SLC9A5: variants seen among roughly 807,000 people sequenced by gnomAD.
SLC9A5 encodes solute carrier family 9 member A5.
A neutral mutation model predicts 91.7 loss-of-function variants in SLC9A5; 52 were observed. The observed-to-expected ratio is 0.57, with a 90% CI of 0.45 to 0.71. SLC9A5 has a LOEUF of 0.71. Among genes scored for constraint, SLC9A5 ranks in the 30% least tolerant of loss-of-function variants. SLC9A5 has a pLI of 0.00. For missense variants in SLC9A5, 871 were observed against 1,158.9 expected (o/e 0.75, Z 3.61); for synonymous variants, 419 against 474.5 (o/e 0.88, Z 1.52).
In SLC9A5 at chr16:67,255,674, C is replaced by T. The variant is rs1423645872; in HGVS notation, c.734-79C>T. The stretch of plus-strand genomic sequence containing the variant: ...GGAGTGCGGTGGGCATCATCCCTCA[C>T]TCCCTGCCAGGCAGCAGTCTTGTCA... On this transcript the variant is annotated intron_variant, in intron 4 of 15. Transcript: ENST00000299798. The surrounding 1 kb of genome is among the most constrained non-coding windows in gnomAD (Gnocchi z 4.9). The T allele has an allele frequency of 2.7e-6, 4 of 1,471,382 alleles. No individual in the cohort carries two copies. The highest frequency in any genetic ancestry group is 3.7e-6 in the Non-Finnish European group (4 of 1,086,416). 91.1% of individuals were successfully genotyped at this position (1,471,382 alleles called of 1,614,324 possible).
At position 67,249,206 on chromosome 16, in the gene SLC9A5, G is replaced by A. The variant is rs2035012080; in HGVS notation, c.187+5G>A. The A allele has an allele frequency of 2.1e-6, 3 of 1,451,404 alleles. No individual in the cohort carries two copies. Among genetic ancestry groups the A allele is most frequent in the African/African-American group, 1.5e-5 (1 of 68,324 alleles). 89.9% of individuals were successfully genotyped at this position (1,451,404 alleles called of 1,614,324 possible). A position where few individuals can be genotyped will look rare whatever the true frequency, so the allele number is the denominator to read the frequency against. On this transcript the variant is annotated splice_donor_5th_base_variant and intron_variant, in intron 1 of 15. Transcript: ENST00000299798. ...TGGCCAGTCTGGCCAAAATCGGTGAGTGCGTGTGTGCGTGCGCCAGGCCGA... is the reference window on the plus strand; with the variant it reads ...TGGCCAGTCTGGCCAAAATCGGTGAATGCGTGTGTGCGTGCGCCAGGCCGA...
intron 1 of SLC9A5, among the ~76,000 whole-genome samples, chr16:67,251,611 G>A (rs1284771443): frequency 2.6e-5 from 4 of 151,800 alleles, no homozygotes; most frequent in South Asian, 4.2e-4. Context: ...ACAGGGTTTC[G>A]CCGTGCTGGC....
chr16:67,264,527 G>A lies in SLC9A5; in HGVS notation c.2013+5G>A, dbSNP rs1228005518. 2 of 1,614,000 alleles carry A rather than the reference G, an allele frequency of 1.2e-6. No individual in the cohort carries two copies. Among genetic ancestry groups the A allele is most frequent in the African/African-American group, 1.3e-5 (1 of 74,934 alleles). On this transcript the variant is annotated splice_donor_5th_base_variant and intron_variant, in intron 13 of 15. Coordinates refer to ENST00000299798, the MANE Select transcript of SLC9A5 (RefSeq NM_004594.3). ...CGCAAGACTGGCCGCAGGAAGGCAT[G>A]TCTTCCCTCAGGGACTCCTCTTGGG...
At chr16:67,266,335 C>T (rs1172394901) in intron 15 of SLC9A5, 110 bp downstream of exon 15, 2 of 1,108,648 alleles carry the variant, frequency 1.8e-6, no homozygotes, top group Non-Finnish European at 2.5e-6. Context: ...CTAGTTTATT[C>T]ATCAGCCAGC....
intron 2 of SLC9A5, among the ~76,000 whole-genome samples, chr16:67,254,169 C>T (rs911702887): frequency 3.3e-5 from 5 of 152,138 alleles, no homozygotes; most frequent in Non-Finnish European, 7.3e-5. Context: ...AACTGGGGCT[C>T]ATAGAAATTA....
rs775036026 is a variant in SLC9A5 at position 67,255,190 on chromosome 16, C to T, written c.654+6C>T. 8.7e-6 allele frequency: 14 copies of T among 1,610,936 alleles called. No homozygotes were observed. In the East Asian group the frequency reaches 1.1e-4, roughly 13 times the overall value. On this transcript the variant is annotated splice_donor_region_variant and intron_variant, in intron 3 of 15. Coordinates refer to ENST00000299798, the MANE Select transcript of SLC9A5 (RefSeq NM_004594.3). The surrounding 1 kb of genome is among the most constrained non-coding windows in gnomAD (Gnocchi z 4.9). Reference sequence around the variant, plus strand: ...TCAACGATGCTGTCACCGTGGTGAGCGTGCTCAGCTGACTGCCATTCCCTG... The same window carrying T: ...TCAACGATGCTGTCACCGTGGTGAGTGTGCTCAGCTGACTGCCATTCCCTG...
In SLC9A5 at chr16:67,255,219, C is replaced by G. The variant is rs755046704; in HGVS notation, c.654+35C>G. On this transcript the variant is annotated intron_variant, in intron 3 of 15. Transcript: ENST00000299798. This position sits in a 1 kb window ranked among gnomAD's most constrained non-coding sequence, Gnocchi z 4.9. ...CTCAGCTGACTGCCATTCCCTGACC[C>G]CAGGCTGCATGCTCTGACCAACTAG... 2.5e-6 allele frequency: 4 copies of G among 1,602,914 alleles called. No individual in the cohort carries two copies. In the South Asian group the frequency reaches 4.4e-5, roughly 18 times the overall value.
intron 14 of SLC9A5, among the ~76,000 whole-genome samples, chr16:67,265,712 C>T (rs1055108062): frequency 3.9e-5 from 6 of 152,254 alleles, no homozygotes; most frequent in South Asian, 2.1e-4. Context: ...TGTGAGCCAC[C>T]GCACCTGGCT....
chr16:67,250,592 G>C (rs1006893333), intron 1 of SLC9A5, among the ~76,000 whole-genome samples: 1 of 152,218 alleles, frequency 6.6e-6, no homozygotes, highest in South Asian at 2.1e-4. Context: ...TCCTATGGAA[G>C]TAAGAGAAGA....
Position 67,257,222 on chromosome 16 carries a change from G to A in SLC9A5, c.1335+109G>A, listed in dbSNP as rs959235271. ...TTCCCGCTGGGAGATGGAGGGCCCTGACTTCCCAGACCTTGAGTGCAGTGG... is the reference window on the plus strand; with the variant it reads ...TTCCCGCTGGGAGATGGAGGGCCCTAACTTCCCAGACCTTGAGTGCAGTGG... On this transcript the variant is annotated intron_variant, in intron 7 of 15. Coordinates refer to ENST00000299798, the MANE Select transcript of SLC9A5 (RefSeq NM_004594.3). The surrounding 1 kb of genome is among the most constrained non-coding windows in gnomAD (Gnocchi z 5.1). 1.9e-5 allele frequency: 26 copies of A among 1,383,590 alleles called. 1 individual carries two copies. In the South Asian group the frequency reaches 2.5e-4, roughly 13 times the overall value. 85.7% of individuals were successfully genotyped at this position (1,383,590 alleles called of 1,614,324 possible).
chr16:67,249,133 A>G lies in SLC9A5; in HGVS notation c.119A>G (p.Gln40Arg). 7 of 1,560,356 alleles carry G rather than the reference A, an allele frequency of 4.5e-6. No individual in the cohort carries two copies. The highest frequency in any genetic ancestry group is 1.2e-5 in the South Asian group (1 of 85,342). The change falls in exon 1 of 16, where the codon CAG becomes CGG. Residue 40 changes from glutamine (Q) to arginine (R), a missense_variant. Physicochemically the swap from Gln to Arg is conservative, Grantham distance 43 (BLOSUM62 1). Coordinates refer to ENST00000299798, the MANE Select transcript of SLC9A5 (RefSeq NM_004594.3). Reference protein sequence around the residue: ...PPPGLELFRWQWHEVEAPYLV... With the variant: ...PPPGLELFRWRWHEVEAPYLV... ...CCAGGCTTAGAGCTCTTCCGCTGGC[A>G]GTGGCACGAGGTGGAGGCGCCCTAC...
chr16:67,252,687 G>A lies in SLC9A5; in HGVS notation c.333G>A (p.Leu111=). 2 of 1,614,148 alleles carry A rather than the reference G, an allele frequency of 1.2e-6. No homozygotes were observed. The highest frequency in any genetic ancestry group is 1.7e-6 in the Non-Finnish European group (2 of 1,180,024). ...AGCCAGGCACCTTCTTCCTCTTCCT[G>A]CTGCCTCCTATTGTGTTGGACTCAG... ...QLEPGTFFLF[L]LPPIVLDSGY... Residue 111 remains leucine, a synonymous_variant, in exon 2 of 16, where the codon CTG becomes CTA. Coordinates refer to ENST00000299798, the MANE Select transcript of SLC9A5 (RefSeq NM_004594.3). This position sits in a 1 kb window ranked among gnomAD's most constrained non-coding sequence, Gnocchi z 4.0.
At position 67,257,113 on chromosome 16, in the gene SLC9A5, G is replaced by T; in HGVS notation, c.1335G>T (p.Gln445His). The change falls in exon 7 of 16, where the codon CAG becomes CAT. Residue 445 changes from glutamine to histidine, a missense_variant and splice_region_variant. By Grantham distance (24) the Gln-to-His change is conservative. Coordinates refer to ENST00000299798, the MANE Select transcript of SLC9A5 (RefSeq NM_004594.3). The surrounding 1 kb of genome is among the most constrained non-coding windows in gnomAD (Gnocchi z 5.1). ...IVVVFFTVIV[Q>H]GLTIKPLVKW... is the part of the protein sequence containing the mutation. Reference sequence around the variant, plus strand: ...TGGTCTTCTTCACAGTCATCGTGCAGGTGGGAGTGCCCACAAGGCTGGGTA... The same window carrying T: ...TGGTCTTCTTCACAGTCATCGTGCATGTGGGAGTGCCCACAAGGCTGGGTA... The T allele has an allele frequency of 1.2e-6, 2 of 1,607,704 alleles. No homozygotes were observed. Among genetic ancestry groups the T allele is most frequent in the Non-Finnish European group, 1.7e-6 (2 of 1,179,006 alleles).
At position 67,257,618 on chromosome 16, in the gene SLC9A5, G is replaced by A. The variant is rs759898797; in HGVS notation, c.1496+17G>A. The A allele has an allele frequency of 1.7e-5, 28 of 1,613,372 alleles. No homozygotes were observed. The highest frequency in any genetic ancestry group is 1.1e-4 in the African/African-American group (8 of 74,886). On this transcript the variant is annotated intron_variant, in intron 9 of 15. Transcript: ENST00000299798. The surrounding 1 kb of genome is among the most constrained non-coding windows in gnomAD (Gnocchi z 5.1). ...GAGGGACAGGTGAGGGAGCTGCCCC[G>A]AGGCTCCTTCAGCAGCAGCAGCCCC...
At position 67,252,716 on chromosome 16, in the gene SLC9A5, A is replaced by G; in HGVS notation, c.362A>G (p.Tyr121Cys). The change falls in exon 2 of 16, where the codon TAT becomes TGT. Residue 121 changes from tyrosine (Y) to cysteine (C), a missense_variant. Coordinates refer to ENST00000299798, the MANE Select transcript of SLC9A5 (RefSeq NM_004594.3). The surrounding 1 kb of genome is among the most constrained non-coding windows in gnomAD (Gnocchi z 4.0). ...CCTCCTATTGTGTTGGACTCAGGCTATTTCATGCCTAGCAGGCTGTTCTTT... is the reference window on the plus strand; with the variant it reads ...CCTCCTATTGTGTTGGACTCAGGCTGTTTCATGCCTAGCAGGCTGTTCTTT... Reference protein sequence around the residue: ...LLPPIVLDSGYFMPSRLFFDN... With the variant: ...LLPPIVLDSGCFMPSRLFFDN... 6.2e-7 allele frequency: 1 copy of G among 1,614,088 alleles called. No homozygotes were observed. The highest frequency in any genetic ancestry group is 8.5e-7 in the Non-Finnish European group (1 of 1,179,998).
Position 67,257,738 on chromosome 16 carries a change from C to T in SLC9A5, c.1496+137C>T. On this transcript the variant is annotated intron_variant, in intron 9 of 15. Transcript: ENST00000299798. This position sits in a 1 kb window ranked among gnomAD's most constrained non-coding sequence, Gnocchi z 5.1. ...ACCTCTGCCTGAAGCCCTTCAGTGG[C>T]ATCCCAGTGCTCTCAGGTTAAGACA... 1.2e-6 allele frequency: 1 copy of T among 840,574 alleles called. No individual in the cohort carries two copies. The highest frequency in any genetic ancestry group is 1.9e-6 in the Non-Finnish European group (1 of 522,728). 52.1% of individuals were successfully genotyped at this position (840,574 alleles called of 1,614,324 possible). A position where few individuals can be genotyped will look rare whatever the true frequency, so the allele number is the denominator to read the frequency against.
chr16:67,260,628 AGAG>A (rs2035502492), intron 12 of SLC9A5, among the ~76,000 whole-genome samples: 2 of 152,248 alleles, frequency 1.3e-5, no homozygotes, highest in Non-Finnish European at 2.9e-5. Flanking sequence ...TCTGATGGTG[AGAG>A]GAGGAGGAGA....
Position 67,264,503 on chromosome 16 carries a change from G to A in SLC9A5, c.1994G>A (p.Arg665His), listed in dbSNP as rs766311207. ...TTCACCAAGAGCAAGCCACGACCCC[G>A]CAAGACTGGCCGCAGGAAGGCATGT... ...ICFTKSKPRP[R>H]KTGRRKKDGV... Residue 665 changes from arginine to histidine, a missense_variant, in exon 13 of 16, where the codon CGC becomes CAC. Arg to His is a conservative substitution (Grantham distance 29). Around this residue, in one of 3 missense-constraint regions of SLC9A5, gnomAD observed 295 missense variants for 326.0 expected, o/e 0.90. Coordinates refer to ENST00000299798, the MANE Select transcript of SLC9A5 (RefSeq NM_004594.3). 6 of 1,614,014 alleles carry A rather than the reference G, an allele frequency of 3.7e-6. No individual in the cohort carries two copies. In the African/African-American group the frequency reaches 4.0e-5, roughly 11 times the overall value.
In SLC9A5 at chr16:67,255,137, T is replaced by C. The variant is rs1207772744; in HGVS notation, c.607T>C (p.Phe203Leu). The change falls in exon 3 of 16, where the codon TTT becomes CTT. Residue 203 changes from phenylalanine (F) to leucine (L), a missense_variant. Around this residue, in one of 3 missense-constraint regions of SLC9A5, gnomAD observed 454 missense variants for 718.3 expected, o/e 0.63. Coordinates refer to ENST00000299798, the MANE Select transcript of SLC9A5 (RefSeq NM_004594.3). The surrounding 1 kb of genome is among the most constrained non-coding windows in gnomAD (Gnocchi z 4.9). The part of the protein sequence containing the change: ...FEEVHVNETL[F>L]IIVFGESLLN... The stretch of plus-strand genomic sequence containing the variant: ...GGAGGTGCACGTCAATGAGACTCTC[T>C]TTATCATCGTCTTTGGCGAGTCCCT... 1 of 1,614,078 alleles carries C rather than the reference T, an allele frequency of 6.2e-7. No homozygotes were observed. Among genetic ancestry groups the C allele is most frequent in the Non-Finnish European group, 8.5e-7 (1 of 1,179,982 alleles).
Sources: gnomAD v4.1 joint callset for allele counts (sites outside exome capture counted in the v4.1 genomes callset) on GRCh38, gnomAD v4.1.1 for gene constraint, gnomAD v4.1.1 regional missense constraint, Gnocchi (gnomAD v3.1) non-coding constraint, MANE v1.5 for transcripts, NCBI Gene and HGNC (gene_info 2026-07-23, HGNC 2026-07-21) for gene names.